MTO1: variants seen among roughly 807,000 people sequenced by gnomAD.
MTO1 encodes 5-taurinomethyluridine-[tRNA] synthase subunit MTO1, mitochondrial.
In MTO1, 46 loss-of-function variants were observed where a neutral mutation model predicts 71.6. The observed-to-expected ratio is 0.64, with a 90% CI of 0.51 to 0.82. The LOEUF (loss-of-function observed/expected upper bound fraction) is 0.82. MTO1 is among the 40% of genes least tolerant of loss of function. The pLI is 0.00. For missense variants in MTO1, 773 were observed against 867.5 expected (o/e 0.89, Z 1.37); for synonymous variants, 297 against 312.1 (o/e 0.95, Z 0.51).
intron 10 of MTO1, among the ~76,000 whole-genome samples, chr6:73,497,192 G>A (rs1214279298): frequency 8.6e-5 from 8 of 92,546 alleles, no homozygotes; most frequent in South Asian, 4.1e-4. Context: ...TCGCTCTGTC[G>A]CCCAGGCTGG....
chr6:73,480,470 C>T lies in MTO1; in HGVS notation c.1130-205C>T, dbSNP rs1368016274. ...TTTTTAGTAGAGACAGGGTTTCTCC[C>T]TGTTGGTCAGGCTGGTCTCAAACTC... On this transcript the variant is annotated intron_variant, in intron 6 of 11. Coordinates refer to ENST00000498286, the MANE Select transcript of MTO1 (RefSeq NM_012123.4). 3 of 605,420 alleles carry T rather than the reference C, an allele frequency of 5.0e-6. No individual in the cohort carries two copies. In the African/African-American group the frequency reaches 5.5e-5, roughly 11 times the overall value. The allele number at this position is 605,420 out of a possible 1,614,324, so 37.5% of individuals were successfully genotyped here.
intron 4 of MTO1, among the ~76,000 whole-genome samples, chr6:73,475,571 A>G (rs1771288929): frequency 6.6e-6 from 1 of 151,592 alleles, no homozygotes; most frequent in African/African-American, 2.4e-5. Context: ...CTGGAACGCA[A>G]CAGCACAATC....
rs1432548047 is a variant in MTO1, at chr6:73,504,911, A to C, written c.*4176A>C. On this transcript the variant is annotated 3_prime_UTR_variant, in exon 12 of 12. Transcript: ENST00000498286. ...AAAAAAAGCCCAGGTGTGGTGGCTC[A>C]CATCTGTAATCCCAGCATTTTGGGA... is the stretch of plus-strand genomic sequence containing the variant. 1 of 150,514 alleles carries C rather than the reference A, an allele frequency of 6.6e-6. No individual in the cohort carries two copies. The highest frequency in any genetic ancestry group is 1.5e-5 in the Non-Finnish European group (1 of 67,682). The allele number at this position is 150,514 out of a possible 1,614,324, so 9.3% of individuals were successfully genotyped here. A position where few individuals can be genotyped will look rare whatever the true frequency, so the allele number is the denominator to read the frequency against.
At chr6:73,467,332 A>C (rs1257754699) in intron 3 of MTO1, among the ~76,000 whole-genome samples, 1 of 151,204 alleles carries the variant, frequency 6.6e-6, no homozygotes. Context: ...ATAAAAAATA[A>C]GTTTGGGTGT....
chr6:73,485,103 C>G (rs948669539), intron 9 of MTO1, among the ~76,000 whole-genome samples: 2 of 150,430 alleles, frequency 1.3e-5, no homozygotes, highest in African/African-American at 4.9e-5. Flanking sequence ...TAACAAATAT[C>G]ACACTAATTC....
In MTO1 at chr6:73,503,311, C is replaced by T. The variant is rs2150047157; in HGVS notation, c.*2576C>T. ...AATTTTTTGTAGGAATGAAGTCTCA[C>T]TATGTTGCCCAGGCTGGTCTTGAAC... On this transcript the variant is annotated 3_prime_UTR_variant, in exon 12 of 12. Coordinates refer to ENST00000498286, the MANE Select transcript of MTO1 (RefSeq NM_012123.4). 1 of 152,358 alleles carries T rather than the reference C, an allele frequency of 6.6e-6. No individual in the cohort carries two copies. Among genetic ancestry groups the T allele is most frequent in the East Asian group, 1.9e-4 (1 of 5,178 alleles). 9.4% of individuals were successfully genotyped at this position (152,358 alleles called of 1,614,324 possible). A position where few individuals can be genotyped will look rare whatever the true frequency, so the allele number is the denominator to read the frequency against.
At chr6:73,470,094 C>G (rs370268644) in intron 3 of MTO1, among the ~76,000 whole-genome samples, 2 of 152,166 alleles carry the variant, frequency 1.3e-5, no homozygotes, top group Admixed American at 1.3e-4. Flanking sequence ...AGTTTTCCAC[C>G]TAAGAGAGTA....
At chr6:73,483,871 C>T (rs1314967292) in intron 9 of MTO1, among the ~76,000 whole-genome samples, 5 of 150,830 alleles carry the variant, frequency 3.3e-5, no homozygotes, top group African/African-American at 9.8e-5. Flanking sequence ...CTCTGCCTCC[C>T]GGGTTCAAGC....
Position 73,466,553 on chromosome 6 carries a change from C to G in MTO1, c.482C>G (p.Thr161Arg). ...GGAGCTGTAGAAGATCTTATTCTTA[C>G]AGAACCAGAGCCTGAACACACTGGG... ...QEGAVEDLIL[T>R]EPEPEHTGKC... Residue 161 changes from threonine (T) to arginine (R), a missense_variant, in exon 3 of 12, where the codon ACA becomes AGA. Coordinates refer to ENST00000498286, the MANE Select transcript of MTO1 (RefSeq NM_012123.4). 1 of 1,614,164 alleles carries G rather than the reference C, an allele frequency of 6.2e-7. No homozygotes were observed. Among genetic ancestry groups the G allele is most frequent in the Non-Finnish European group, 8.5e-7 (1 of 1,180,032 alleles).
At chr6:73,493,644 G>C (rs1771893439) in intron 10 of MTO1, among the ~76,000 whole-genome samples, 2 of 151,540 alleles carry the variant, frequency 1.3e-5, no homozygotes, top group African/African-American at 4.8e-5. Flanking sequence ...GCCCGCCTTG[G>C]CCTCCCAAAG....
intron 3 of MTO1, among the ~76,000 whole-genome samples, chr6:73,468,752 C>G (rs143339503): frequency 6.6e-6 from 1 of 151,838 alleles, no homozygotes; most frequent in African/African-American, 2.4e-5. Flanking sequence ...GGATTACAGA[C>G]AGCAGCAACC....
At chr6:73,491,691 T>C (rs1249925196) in intron 9 of MTO1, among the ~76,000 whole-genome samples, 1 of 152,160 alleles carries the variant, frequency 6.6e-6, no homozygotes, top group Non-Finnish European at 1.5e-5. Flanking sequence ...GAAAGACAAA[T>C]GGATTACAGC....
At chr6:73,462,728 A>T (rs1335094754) in intron 1 of MTO1, among the ~76,000 whole-genome samples, 1 of 152,210 alleles carries the variant, frequency 6.6e-6, no homozygotes, top group African/African-American at 2.4e-5. Context: ...ACTCCGTCTC[A>T]AAATAATGAT....
At chr6:73,490,465 G>A (rs1004926674) in intron 9 of MTO1, among the ~76,000 whole-genome samples, 1 of 148,858 alleles carries the variant, frequency 6.7e-6, no homozygotes, top group Non-Finnish European at 1.5e-5. Context: ...ATTAATTTTT[G>A]TATAAGGTGT....
At chr6:73,475,579 A>G in intron 4 of MTO1, among the ~76,000 whole-genome samples, 1 of 151,054 alleles carries the variant, frequency 6.6e-6, no homozygotes, top group East Asian at 1.9e-4. Flanking sequence ...CAACAGCACA[A>G]TCTCGGCTCA....
intron 4 of MTO1, 34 bp from the exon 5 acceptor site, chr6:73,479,698 C>T (rs767773922): frequency 3.3e-6 from 5 of 1,514,288 alleles, no homozygotes; most frequent in Middle Eastern, 2.2e-4. Context: ...AGTAGATAAG[C>T]AAATCAGTAT....
chr6:73,480,091 T>A lies in MTO1; in HGVS notation c.1094T>A (p.Ile365Asn). The A allele has an allele frequency of 6.2e-7, 1 of 1,614,062 alleles. No homozygotes were observed. The highest frequency in any genetic ancestry group is 1.1e-5 in the South Asian group (1 of 91,070). The stretch of plus-strand genomic sequence containing the variant: ...TTACAAGAGAAAATGATCACATGCA[T>A]CAGAGGCTTGGAGAAAGCTAAAGTG... ...AELQEKMITC[I>N]RGLEKAKVIQ... The change falls in exon 6 of 12, where the codon ATC (isoleucine) becomes AAC (asparagine). Residue 365 changes from isoleucine (I) to asparagine (N), a missense_variant. Physicochemically the swap from Ile to Asn is moderately radical, Grantham distance 149. Coordinates refer to ENST00000498286, the MANE Select transcript of MTO1 (RefSeq NM_012123.4).
At chr6:73,489,787 T>G (rs535379348) in intron 9 of MTO1, among the ~76,000 whole-genome samples, 1 of 152,282 alleles carries the variant, frequency 6.6e-6, no homozygotes, top group South Asian at 2.1e-4. Flanking sequence ...TGATTTATAA[T>G]CCTTTGCGTA....
At chr6:73,484,447 C>T (rs1200895726) in intron 9 of MTO1, among the ~76,000 whole-genome samples, 1 of 152,048 alleles carries the variant, frequency 6.6e-6, no homozygotes, top group Non-Finnish European at 1.5e-5. Context: ...CAAAAAGCTC[C>T]CCAACCCTCT....
Sources: allele counts gnomAD v4.1 joint callset (sites outside exome capture counted in the v4.1 genomes callset), GRCh38; gene constraint gnomAD v4.1.1; transcripts MANE v1.5; gene names NCBI Gene and HGNC (gene_info 2026-07-23, HGNC 2026-07-21).